The following RCAN3 variants were observed in gnomAD, a reference collection of about 807,000 sequenced individuals.
RCAN3 encodes the protein calcipressin-3.
RCAN3 carries 19 observed loss-of-function variants against 21.9 expected under a neutral mutation model. The ratio of observed to expected loss-of-function variants is 0.87; its 90% CI spans 0.61 to 1.27. The LOEUF is 1.27. Among genes scored for constraint, RCAN3 ranks in the 50% most tolerant of loss-of-function variants. The probability of loss-of-function intolerance (pLI) is 0.00; values close to 1 mark genes in which losing one functional copy is unlikely to be tolerated. For missense variants in RCAN3, 240 were observed against 300.1 expected, an observed-to-expected ratio of 0.80 and a Z score of 1.48; for synonymous variants, 114 against 112.3, an observed-to-expected ratio of 1.01 and a Z score of -0.09.
At chr1:24,534,944 A>G (rs1239876907) in intron 4 of RCAN3, 149 bp from the exon 5 acceptor site, 1 of 744,278 alleles carries the variant, frequency 1.3e-6, no homozygotes, top group Non-Finnish European at 2.1e-6. Context: ...CACCAAAACA[A>G]GATAAAATAC....
At chr1:24,531,146 C>T in intron 2 of RCAN3, 72 bp from the exon 3 acceptor site, 1 of 1,058,902 alleles carries the variant, frequency 9.4e-7, no homozygotes, top group Non-Finnish European at 1.3e-6. Context: ...ATTTAAATTT[C>T]CCCTTCTGTT....
chr1:24,510,484 C>T (rs1353728955), intron 1 of RCAN3, among the ~76,000 whole-genome samples: 1 of 152,192 alleles, frequency 6.6e-6, no homozygotes, highest in Non-Finnish European at 1.5e-5. Flanking sequence ...AGTTCCTTTC[C>T]TTCAGCCTCA....
rs182837842 is a variant in RCAN3, at chr1:24,523,350, G to A, written c.196-7868G>A. Reference sequence around the variant, plus strand: ...AAAGTGCTGGGATTTTAAATTATCTGTATTTGGAGTCGACATGATTGTCTC... The same window carrying A: ...AAAGTGCTGGGATTTTAAATTATCTATATTTGGAGTCGACATGATTGTCTC... On this transcript the variant is annotated intron_variant, in intron 2 of 4. Transcript: ENST00000374395. Among the ~76,000 whole-genome samples the A allele has an allele frequency of 3.4e-3, 511 of 151,870 alleles. 2 individuals carry two copies. The Middle Eastern group carries it at 0.048, about 14-fold the overall frequency.
chr1:24,528,254 G>GAAAAAAAAAA (rs57400823), intron 2 of RCAN3, among the ~76,000 whole-genome samples: 2 of 122,104 alleles, frequency 1.6e-5, no homozygotes, highest in African/African-American at 3.2e-5. Context: ...TGGAAAAAAA[G>GAAAAAAAAAA]AAAAAAAAAA....
At chr1:24,515,461 T>TGTGTGC (rs931695744) in intron 2 of RCAN3, among the ~76,000 whole-genome samples, 12 of 150,394 alleles carry the variant, frequency 8.0e-5, no homozygotes, top group African/African-American at 2.7e-4. Context: ...TGTGTGTGTG[T>TGTGTGC]GTGCTTTGTT....
intron 2 of RCAN3, among the ~76,000 whole-genome samples, chr1:24,523,665 G>T (rs1649017271): frequency 6.8e-6 from 1 of 146,878 alleles, no homozygotes. Context: ...TTCTTCAGAT[G>T]GAGTCTCATT....
rs143692157 is a variant in RCAN3, at chr1:24,518,351, G to T, written c.195+3784G>T. 3.5e-3 allele frequency among the ~76,000 whole-genome samples: 539 copies of T among 152,262 alleles called. 3 individuals carry two copies. The highest frequency in any genetic ancestry group is 0.012 in the African/African-American group (511 of 41,546). On this transcript the variant is annotated intron_variant, in intron 2 of 4. Coordinates refer to ENST00000374395, the MANE Select transcript of RCAN3 (RefSeq NM_013441.4). ...TTTATCAATATTTCTTAAAAATAGT[G>T]TTGGAGGGATAATAAATCATAGAAA...
At chr1:24,534,792 C>G (rs372350661) in intron 4 of RCAN3, among the ~76,000 whole-genome samples, 1 of 152,118 alleles carries the variant, frequency 6.6e-6, no homozygotes. Flanking sequence ...GAGCGAGACT[C>G]CATCTCAAAT....
chr1:24,514,832 G>A (rs1648165574), intron 2 of RCAN3, among the ~76,000 whole-genome samples: 1 of 152,012 alleles, frequency 6.6e-6, no homozygotes, highest in African/African-American at 2.4e-5. Context: ...AGCCGGGTGT[G>A]GTGGTGCGCG....
intron 2 of RCAN3, among the ~76,000 whole-genome samples, chr1:24,526,062 A>G (rs899547594): frequency 5.3e-5 from 8 of 152,056 alleles, no homozygotes; most frequent in African/African-American, 1.7e-4. Flanking sequence ...AAGCTTGCTA[A>G]TCGGTTCTTG....
intron 2 of RCAN3, among the ~76,000 whole-genome samples, chr1:24,519,215 GTT>G (rs60599694): frequency 1.2e-3 from 161 of 136,694 alleles, no homozygotes; most frequent in South Asian, 5.2e-3. Flanking sequence ...CTGGCCTGAT[GTT>G]TTTTTTTTTT....
At chr1:24,509,855 AC>A (rs1647737627) in intron 1 of RCAN3, among the ~76,000 whole-genome samples, 1 of 152,228 alleles carries the variant, frequency 6.6e-6, no homozygotes, top group African/African-American at 2.4e-5. Context: ...CTGTATACTT[AC>A]GAAATGTATT....
intron 1 of RCAN3, among the ~76,000 whole-genome samples, chr1:24,512,165 CAT>C (rs943648804): frequency 3.3e-5 from 5 of 152,146 alleles, no homozygotes; most frequent in African/African-American, 7.2e-5. Flanking sequence ...GCCTGGCCAA[CAT>C]GTGAAACCCT....
chr1:24,513,474 T>C (rs1648056774), intron 1 of RCAN3, among the ~76,000 whole-genome samples: 2 of 151,980 alleles, frequency 1.3e-5, no homozygotes, highest in African/African-American at 4.8e-5. Flanking sequence ...GAGACCAGCC[T>C]GGCCAACATG....
At chr1:24,519,715 T>C (rs1442887052) in intron 2 of RCAN3, among the ~76,000 whole-genome samples, 3 of 152,210 alleles carry the variant, frequency 2.0e-5, no homozygotes, top group African/African-American at 7.2e-5. Flanking sequence ...CTCATTGAGT[T>C]CCCAGTGCAA....
chr1:24,502,714 A>C (rs1185505254), upstream of RCAN3, among the ~76,000 whole-genome samples: 1 of 151,478 alleles, frequency 6.6e-6, no homozygotes, highest in African/African-American at 2.4e-5. Context: ...GAGGAGCGGG[A>C]GGAGGGCGCG....
intron 2 of RCAN3, among the ~76,000 whole-genome samples, chr1:24,526,756 A>G (rs1649307467): frequency 1.3e-5 from 2 of 152,224 alleles, no homozygotes; most frequent in Non-Finnish European, 2.9e-5. Context: ...ACTATCTCAC[A>G]TAGGAATTTT....
intron 2 of RCAN3, 75 bp downstream of exon 2, chr1:24,514,642 C>G: frequency 1.4e-6 from 2 of 1,407,136 alleles, no homozygotes; most frequent in Non-Finnish European, 2.0e-6. Flanking sequence ...CAGAGCTTGA[C>G]TGGTCCCTGA....
At chr1:24,526,499 ATCTTG>A (rs1649283331) in intron 2 of RCAN3, among the ~76,000 whole-genome samples, 1 of 151,912 alleles carries the variant, frequency 6.6e-6, no homozygotes, top group Non-Finnish European at 1.5e-5. Context: ...AAAAAAAATT[ATCTTG>A]AAGGGAAATG....
Sources: allele counts gnomAD v4.1 joint callset (sites outside exome capture counted in the v4.1 genomes callset), GRCh38; gene constraint gnomAD v4.1.1; transcripts MANE v1.5; gene names NCBI Gene and HGNC (gene_info 2026-07-23, HGNC 2026-07-21).